Variants in ADK observed in about 807,000 individuals in gnomAD.
The protein encoded by ADK is adenosine kinase.
A neutral mutation model predicts 44.7 loss-of-function variants in ADK; 24 were observed. The ratio of observed to expected loss-of-function variants is 0.54; its 90% CI spans 0.39 to 0.76. The LOEUF (loss-of-function observed/expected upper bound fraction) is 0.76. Ranked by LOEUF, ADK falls within the 30% of genes least tolerant of loss-of-function variation. The probability of loss-of-function intolerance (pLI) is 0.00; values close to 1 mark genes in which losing one functional copy is unlikely to be tolerated. For missense variants in ADK, 321 were observed against 425.1 expected, an observed-to-expected ratio of 0.76 and a Z score of 2.15; for synonymous variants, 128 against 142.6, an observed-to-expected ratio of 0.90 and a Z score of 0.73.
intron 1 of ADK, among the ~76,000 whole-genome samples, chr10:74,153,763 T>C (rs954710985): frequency 3.2e-4 from 49 of 152,208 alleles, no homozygotes; most frequent in African/African-American, 1.1e-3. Flanking sequence ...TGATCACTTA[T>C]ATTTAAGACA....
chr10:74,665,894 G>T (rs1854939369), intron 9 of ADK, among the ~76,000 whole-genome samples: 1 of 152,136 alleles, frequency 6.6e-6, no homozygotes, highest in African/African-American at 2.4e-5. Context: ...ACCTTCACTT[G>T]TATCTTCTCA....
intron 4 of ADK, among the ~76,000 whole-genome samples, chr10:74,351,195 C>T (rs11516630): frequency 1.3e-5 from 2 of 151,972 alleles, no homozygotes; most frequent in South Asian, 2.1e-4. Context: ...TGCTGGCAAA[C>T]GAATCCAGCG....
intron 9 of ADK, among the ~76,000 whole-genome samples, chr10:74,625,266 A>C (rs1028489907): frequency 6.6e-6 from 1 of 152,180 alleles, no homozygotes; most frequent in African/African-American, 2.4e-5. Flanking sequence ...AATCCTTACA[A>C]TTTTGGCAAG....
chr10:74,184,394 A>G (rs150713637), intron 1 of ADK, among the ~76,000 whole-genome samples: 347 of 152,144 alleles, frequency 2.3e-3, no homozygotes, highest in African/African-American at 7.8e-3. Flanking sequence ...CAGTAGTGCA[A>G]TCATGGCTCA....
intron 9 of ADK, among the ~76,000 whole-genome samples, chr10:74,644,386 A>G (rs1466363421): frequency 6.6e-6 from 1 of 152,210 alleles, no homozygotes; most frequent in Non-Finnish European, 1.5e-5. Context: ...CAGTGGCCCC[A>G]TTTTCCTTTA....
intron 4 of ADK, among the ~76,000 whole-genome samples, chr10:74,335,240 T>A (rs114248562): frequency 0.018 from 2,719 of 152,136 alleles, 66 homozygotes; most frequent in African/African-American, 0.052. Flanking sequence ...AGACCTATTC[T>A]TTATTTTATT....
intron 4 of ADK, among the ~76,000 whole-genome samples, chr10:74,389,529 A>G (rs989967702): frequency 1.3e-5 from 2 of 151,932 alleles, no homozygotes; most frequent in African/African-American, 4.8e-5. Context: ...CAATTATAAC[A>G]TCTTTACTGA....
intron 7 of ADK, among the ~76,000 whole-genome samples, chr10:74,527,192 TCTACTTAAAATACAAAAAATGAGC>T (rs1481096268): frequency 6.6e-6 from 1 of 152,086 alleles, no homozygotes; most frequent in Non-Finnish European, 1.5e-5. Flanking sequence ...AAAGCCCGTC[TCTACTTAAAATACAAAAAATGAGC>T]CAGGCGTGGT....
At chr10:74,550,245 A>G (rs1849983954) in intron 7 of ADK, among the ~76,000 whole-genome samples, 1 of 151,712 alleles carries the variant, frequency 6.6e-6, no homozygotes. Context: ...TAATTTTTGT[A>G]TTCTTAGTAG....
intron 1 of ADK, among the ~76,000 whole-genome samples, chr10:74,199,879 C>T (rs1843311103): frequency 6.6e-6 from 1 of 151,858 alleles, no homozygotes. Context: ...GGGGTTTCAC[C>T]TTGTTGGTCA....
chr10:74,421,217 A>G (rs1476131136), intron 6 of ADK, among the ~76,000 whole-genome samples: 1 of 152,186 alleles, frequency 6.6e-6, no homozygotes, highest in Admixed American at 6.5e-5. Context: ...ACTAAGGAAC[A>G]CTATAGAAAC....
intron 4 of ADK, among the ~76,000 whole-genome samples, chr10:74,320,175 T>G (rs981029372): frequency 6.6e-6 from 1 of 152,202 alleles, no homozygotes; most frequent in African/African-American, 2.4e-5. Flanking sequence ...TGTCTTAGCT[T>G]GTGTTTATCT....
At chr10:74,269,542 T>C (rs769420336) in intron 3 of ADK, among the ~76,000 whole-genome samples, 79 of 152,066 alleles carry the variant, frequency 5.2e-4, no homozygotes, top group Non-Finnish European at 6.6e-4. Context: ...CATTTTATGG[T>C]TGGTTATTGT....
chr10:74,507,318 A>C (rs1848120119), intron 6 of ADK, among the ~76,000 whole-genome samples: 1 of 152,062 alleles, frequency 6.6e-6, no homozygotes, highest in Non-Finnish European at 1.5e-5. Flanking sequence ...CTTTTTTTCA[A>C]AATTGCTTTC....
chr10:74,605,676 G>A (rs1025363700), intron 9 of ADK, among the ~76,000 whole-genome samples: 2 of 152,160 alleles, frequency 1.3e-5, no homozygotes, highest in Non-Finnish European at 2.9e-5. Flanking sequence ...TTGCATCAAT[G>A]TTCATCAGGG....
At chr10:74,474,996 G>A (rs1471716234) in intron 6 of ADK, among the ~76,000 whole-genome samples, 6 of 152,094 alleles carry the variant, frequency 3.9e-5, no homozygotes, top group Middle Eastern at 3.4e-3. Context: ...GTGGTGGCAC[G>A]CACCTGTAAT....
At chr10:74,223,286 C>A (rs1004327159) in intron 2 of ADK, among the ~76,000 whole-genome samples, 1 of 152,128 alleles carries the variant, frequency 6.6e-6, no homozygotes, top group Non-Finnish European at 1.5e-5. Context: ...ACCAGCTCCC[C>A]TCCCATGATA....
intron 3 of ADK, among the ~76,000 whole-genome samples, chr10:74,290,035 A>G (rs995480286): frequency 2.6e-5 from 4 of 151,890 alleles, no homozygotes; most frequent in Admixed American, 6.6e-5. Context: ...ATGCTAGGTT[A>G]AAAAAAGGAA....
intron 6 of ADK, among the ~76,000 whole-genome samples, chr10:74,417,167 A>T (rs892324142): frequency 7.2e-5 from 11 of 152,136 alleles, no homozygotes; most frequent in African/African-American, 2.7e-4. Flanking sequence ...ATTTGTTTTT[A>T]TAAAAATAAA....
Sources: allele counts gnomAD v4.1 joint callset (sites outside exome capture counted in the v4.1 genomes callset), GRCh38; gene constraint gnomAD v4.1.1; transcripts MANE v1.5; gene names NCBI Gene and HGNC (gene_info 2026-07-23, HGNC 2026-07-21).